The following PCDH9 variants were observed in gnomAD, a reference collection of about 807,000 sequenced individuals.
PCDH9 encodes the protein protocadherin 9, also known as protocadherin-9.
Under a neutral mutation model 70.6 loss-of-function variants are expected in PCDH9, and 24 were observed. That is an observed-to-expected ratio of 0.34 (90% CI 0.25 to 0.48). PCDH9 has a LOEUF of 0.48. PCDH9 is among the 20% of genes least tolerant of loss of function. The pLI is 0.99. For missense variants in PCDH9, 1,281 were observed against 1,503.6 expected, an observed-to-expected ratio of 0.85 and a Z score of 2.45; for synonymous variants, 562 against 558.5, an observed-to-expected ratio of 1.01 and a Z score of -0.09.
At chr13:66,609,671 A>G (rs1485427660) in intron 4 of PCDH9, among the ~76,000 whole-genome samples, 2 of 152,076 alleles carry the variant, frequency 1.3e-5, no homozygotes, top group African/African-American at 4.8e-5. Context: ...TTAATTCTGT[A>G]CATGTCTTTT....
chr13:66,512,235 C>A, intron 4 of PCDH9, among the ~76,000 whole-genome samples: 1 of 148,710 alleles, frequency 6.7e-6, no homozygotes, highest in East Asian at 2.0e-4. Flanking sequence ...ACATATTATA[C>A]AAAAAAATTA....
chr13:67,161,773 T>C (rs754478601), intron 2 of PCDH9, among the ~76,000 whole-genome samples: 5 of 152,168 alleles, frequency 3.3e-5, no homozygotes, highest in African/African-American at 7.2e-5. Flanking sequence ...GGGAGAATAA[T>C]AGAAAAGGAG....
chr13:66,751,581 A>G (rs1490466482), intron 3 of PCDH9, among the ~76,000 whole-genome samples: 1 of 152,182 alleles, frequency 6.6e-6, no homozygotes, highest in Non-Finnish European at 1.5e-5. Flanking sequence ...AGAGTGATGT[A>G]GAGATTTCAT....
chr13:66,898,166 C>T (rs1290815673), intron 3 of PCDH9, among the ~76,000 whole-genome samples: 4 of 151,930 alleles, frequency 2.6e-5, no homozygotes, highest in Non-Finnish European at 4.4e-5. Context: ...TATTGCTTAT[C>T]ATTTTTCTTA....
At chr13:66,509,506 T>C (rs907131287) in intron 4 of PCDH9, among the ~76,000 whole-genome samples, 5 of 152,188 alleles carry the variant, frequency 3.3e-5, no homozygotes, top group Admixed American at 2.0e-4. Context: ...TTTTGCAACA[T>C]CCTCATCCTC....
intron 4 of PCDH9, among the ~76,000 whole-genome samples, chr13:66,358,256 C>T (rs1956416997): frequency 6.6e-6 from 1 of 151,816 alleles, no homozygotes; most frequent in Admixed American, 6.6e-5. Flanking sequence ...ATATTAAATG[C>T]ATAATCTTTT....
chr13:66,305,539 A>C (rs1955451441), intron 4 of PCDH9, among the ~76,000 whole-genome samples: 1 of 151,998 alleles, frequency 6.6e-6, no homozygotes, highest in Non-Finnish European at 1.5e-5. Flanking sequence ...ACTCTAAATG[A>C]TTATATAAAA....
intron 4 of PCDH9, among the ~76,000 whole-genome samples, chr13:66,603,630 C>T (rs950977777): frequency 6.6e-6 from 1 of 151,870 alleles, no homozygotes; most frequent in Admixed American, 6.6e-5. Context: ...TAATCAGGTC[C>T]TCATTCACCA....
intron 4 of PCDH9, among the ~76,000 whole-genome samples, chr13:66,604,512 T>C (rs750435297): frequency 6.6e-6 from 1 of 152,058 alleles, no homozygotes; most frequent in Non-Finnish European, 1.5e-5. Flanking sequence ...ATTTTAGATA[T>C]TATTAATGAT....
intron 3 of PCDH9, among the ~76,000 whole-genome samples, chr13:66,714,994 C>G (rs2078850516): frequency 6.6e-6 from 1 of 152,108 alleles, no homozygotes; most frequent in Non-Finnish European, 1.5e-5. Flanking sequence ...CATACTGCCT[C>G]TACTGGAGAC....
intron 3 of PCDH9, among the ~76,000 whole-genome samples, chr13:66,716,709 G>A (rs2078870240): frequency 6.6e-6 from 1 of 152,006 alleles, no homozygotes; most frequent in Admixed American, 6.6e-5. Context: ...AAAATTTCTT[G>A]GCTGACCTAC....
At chr13:67,194,272 G>T (rs927570214) in intron 2 of PCDH9, among the ~76,000 whole-genome samples, 1 of 151,952 alleles carries the variant, frequency 6.6e-6, no homozygotes, top group African/African-American at 2.4e-5. Context: ...TACTAATGTT[G>T]ATTCACTCAT....
rs574865023 is a variant in PCDH9, at chr13:66,696,114, T to A, written c.3139-64703A>T. The stretch of plus-strand genomic sequence containing the variant: ...ATTACATGAATTATGTTTGGCTACT[T>A]AAAAGCAGAATATTATTCACTGATT... On this transcript the variant is annotated intron_variant, in intron 3 of 4. Transcript: ENST00000377865. 1.8e-4 allele frequency among the ~76,000 whole-genome samples: 28 copies of A among 152,242 alleles called. 2 individuals are homozygous for A. The South Asian group carries it at 5.8e-3, about 32-fold the overall frequency.
chr13:66,520,932 G>A (rs1959962904), intron 4 of PCDH9, among the ~76,000 whole-genome samples: 1 of 152,120 alleles, frequency 6.6e-6, no homozygotes, highest in African/African-American at 2.4e-5. Flanking sequence ...CAAAGGAGGC[G>A]TGTTTGACTG....
In PCDH9 at chr13:67,226,907, C is replaced by T; in HGVS notation, c.1534G>A (p.Ala512Thr). ...ADIVYQLGPN[A>T]SFFDLDRKTG... ...TTTCGGTCCAGATCAAAGAAGGAGG[C>T]ATTCGGTCCAAGCTGATAAACAATG... The change falls in exon 2 of 5, where the codon GCC becomes ACC. Residue 512 changes from alanine to threonine, a missense_variant. Ala to Thr is a moderately conservative substitution (Grantham distance 58). Transcript: ENST00000377865. The surrounding 1 kb of genome is among the most constrained non-coding windows in gnomAD (Gnocchi z 5.0). The T allele has an allele frequency of 1.2e-6, 2 of 1,614,190 alleles. No homozygotes were observed. The highest frequency in any genetic ancestry group is 1.7e-6 in the Non-Finnish European group (2 of 1,180,010).
At chr13:67,191,396 AT>A (rs1342724346) in intron 2 of PCDH9, among the ~76,000 whole-genome samples, 1 of 152,156 alleles carries the variant, frequency 6.6e-6, no homozygotes, top group Non-Finnish European at 1.5e-5. Context: ...CTTGATAAAA[AT>A]TTGAATAAAT....
intron 3 of PCDH9, among the ~76,000 whole-genome samples, chr13:66,880,559 A>G (rs2081904893): frequency 6.6e-6 from 1 of 152,170 alleles, no homozygotes; most frequent in African/African-American, 2.4e-5. Context: ...AAGAAAAAAA[A>G]TCTGATTTTA....
In PCDH9 at chr13:66,304,685, A is replaced by G. The variant is rs753580240; in HGVS notation, c.3684T>C (p.Ala1228=). Residue 1228 remains alanine (A), a synonymous_variant, in exon 5 of 5, where the codon GCT becomes GCC. Coordinates refer to ENST00000377865, the MANE Select transcript of PCDH9 (RefSeq NM_203487.3). The stretch of plus-strand genomic sequence containing the variant: ...GTTGGTGCTCCTTAGGACTCTCAGT[A>G]GCACCTCCTGCTTGCTTATAAGACT... ...NLKSYKQAGG[A]TESPKEHQL 2.5e-6 allele frequency: 4 copies of G among 1,613,256 alleles called. No individual in the cohort carries two copies. The South Asian group carries it at 4.4e-5, about 18-fold the overall frequency.
chr13:66,730,863 T>TG (rs1249322019), intron 3 of PCDH9, among the ~76,000 whole-genome samples: 35 of 82,632 alleles, frequency 4.2e-4, no homozygotes, highest in African/African-American at 1.6e-3. Flanking sequence ...TTTTTGTTTT[T>TG]TTGTGTGTGT....
Sources: gnomAD v4.1 joint callset for allele counts (sites outside exome capture counted in the v4.1 genomes callset) on GRCh38, gnomAD v4.1.1 for gene constraint, Gnocchi (gnomAD v3.1) non-coding constraint, MANE v1.5 for transcripts, NCBI Gene and HGNC (gene_info 2026-07-23, HGNC 2026-07-21) for gene names.